The following FARP2 variants were observed in gnomAD, a reference collection of about 807,000 sequenced individuals.
FARP2 encodes the protein FERM, ARHGEF and pleckstrin domain-containing protein 2.
A neutral mutation model predicts 130.5 loss-of-function variants in FARP2; 111 were observed. That is an observed-to-expected ratio of 0.85 (90% confidence interval 0.73 to 1.00). The LOEUF (loss-of-function observed/expected upper bound fraction) is 1.00, where lower values mean the gene tolerates loss of function less well. FARP2 is among the 50% of genes least tolerant of loss of function. FARP2 has a pLI of 0.00. For missense variants in FARP2, 1,385 were observed against 1,346.3 expected (o/e 1.03, Z -0.45); for synonymous variants, 504 against 516.9 (o/e 0.98, Z 0.34).
intron 1 of FARP2, among the ~76,000 whole-genome samples, chr2:241,356,645 C>T (rs1430903321): frequency 6.6e-6 from 1 of 152,084 alleles, no homozygotes; most frequent in Non-Finnish European, 1.5e-5. Context: ...GGGAGTGGCC[C>T]GCGTGGACTC....
chr2:241,413,508 T>G lies in FARP2; in HGVS notation c.623+87T>G, dbSNP rs2062582306. ...ACGAGAAAGGACTGTTGTCGTGACT[T>G]CTGCAAGATTCTAACATAAGGACCA... On this transcript the variant is annotated intron_variant, in intron 7 of 26. Transcript: ENST00000264042. The G allele has an allele frequency of 5.5e-6, 5 of 914,444 alleles. No homozygotes were observed. In the South Asian group the frequency reaches 7.4e-5, roughly 14 times the overall value. 56.6% of individuals were successfully genotyped at this position (914,444 alleles called of 1,614,324 possible). A position where few individuals can be genotyped will look rare whatever the true frequency, so the allele number is the denominator to read the frequency against.
chr2:241,476,778 G>T (rs1445638573), intron 19 of FARP2, among the ~76,000 whole-genome samples: 2 of 152,126 alleles, frequency 1.3e-5, no homozygotes, highest in Non-Finnish European at 2.9e-5. Flanking sequence ...AATTGAGTGG[G>T]TTTTAGTATC....
chr2:241,489,815 G>T, intron 21 of FARP2, 147 bp from the exon 22 acceptor site: 1 of 594,412 alleles, frequency 1.7e-6, no homozygotes. Context: ...GTCCTCCTTG[G>T]CCTCTTGTAG....
At position 241,403,819 on chromosome 2, in the gene FARP2, T is replaced by C; in HGVS notation, c.184-9T>C. The C allele has an allele frequency of 6.3e-7, 1 of 1,593,584 alleles. No homozygotes were observed. Among genetic ancestry groups the C allele is most frequent in the Non-Finnish European group, 8.6e-7 (1 of 1,161,966 alleles). ...ATCCTTGTTATTTTTCCCATCTCTC[T>C]CTGCACAGCCTAAATGCGATGGCCA... On this transcript the variant is annotated splice_polypyrimidine_tract_variant and intron_variant, in intron 2 of 26. Coordinates refer to ENST00000264042, the MANE Select transcript of FARP2 (RefSeq NM_014808.4).
chr2:241,493,457 G>C lies in FARP2; in HGVS notation c.3047+13G>C. ...ACACATTTGAAAGGTAATTTTGCAG[G>C]AGGCAGCCCTGGTCAGCTGCCCATT... On this transcript the variant is annotated intron_variant, in intron 26 of 26. Transcript: ENST00000264042. 2 of 1,613,210 alleles carry C rather than the reference G, an allele frequency of 1.2e-6. No homozygotes were observed. The highest frequency in any genetic ancestry group is 1.7e-6 in the Non-Finnish European group (2 of 1,179,598).
intron 9 of FARP2, among the ~76,000 whole-genome samples, chr2:241,432,967 A>T (rs2063130091): frequency 6.6e-6 from 1 of 152,198 alleles, no homozygotes. Context: ...CTTTTGGTAC[A>T]CACTGGGTTC....
chr2:241,456,164 T>C (rs2150454003), intron 13 of FARP2, among the ~76,000 whole-genome samples: 1 of 152,322 alleles, frequency 6.6e-6, no homozygotes, highest in South Asian at 2.1e-4. Flanking sequence ...GGAAAATTAT[T>C]ACTGTGTTTT....
chr2:241,456,933 C>A lies in FARP2; in HGVS notation c.1587+11C>A, dbSNP rs376066307. On this transcript the variant is annotated intron_variant, in intron 14 of 26. Coordinates refer to ENST00000264042, the MANE Select transcript of FARP2 (RefSeq NM_014808.4). ...GAGCCCAGACACAAGGTGGGCCCCTCGAGGCTGAGAAGCTAGCAGAGGGTT... is the reference window on the plus strand; with the variant it reads ...GAGCCCAGACACAAGGTGGGCCCCTAGAGGCTGAGAAGCTAGCAGAGGGTT... 1.7e-4 allele frequency: 273 copies of A among 1,576,120 alleles called. No individual in the cohort carries two copies. The highest frequency in any genetic ancestry group is 6.8e-4 in the Admixed American group (37 of 54,270).
At position 241,434,946 on chromosome 2, in the gene FARP2, G is replaced by T. The variant is rs769592517; in HGVS notation, c.1032-16G>T. On this transcript the variant is annotated splice_polypyrimidine_tract_variant and intron_variant, in intron 10 of 26. Coordinates refer to ENST00000264042, the MANE Select transcript of FARP2 (RefSeq NM_014808.4). ...ACTTACTGTTCTTTATTAAAAATCT[G>T]AATCTTTATTCACAGTGGAAGAACT... 10 of 1,476,572 alleles carry T rather than the reference G, an allele frequency of 6.8e-6. No homozygotes were observed. The Admixed American group carries it at 1.7e-4, about 25-fold the overall frequency. 91.5% of individuals were successfully genotyped at this position (1,476,572 alleles called of 1,614,324 possible).
intron 12 of FARP2, among the ~76,000 whole-genome samples, chr2:241,439,592 G>A (rs1180458200): frequency 6.6e-6 from 1 of 152,128 alleles, no homozygotes; most frequent in African/African-American, 2.4e-5. Context: ...GCCTCCCAAA[G>A]TGCTGGGATT....
intron 21 of FARP2, among the ~76,000 whole-genome samples, chr2:241,485,343 G>T (rs374093085): frequency 1.4e-5 from 2 of 140,986 alleles, no homozygotes; most frequent in East Asian, 4.4e-4. Context: ...CATTCCCTGG[G>T]ATCTTCCCTT....
At position 241,493,294 on chromosome 2, in the gene FARP2, A is replaced by T; in HGVS notation, c.2897A>T (p.Asp966Val). 1 of 1,613,712 alleles carries T rather than the reference A, an allele frequency of 6.2e-7. No homozygotes were observed. Among genetic ancestry groups the T allele is most frequent in the Middle Eastern group, 1.7e-4 (1 of 5,952 alleles). ...FCLFFYKTHQ[D>V]DYPLASLPLL... is the part of the protein sequence containing the mutation. The stretch of plus-strand genomic sequence containing the variant: ...CCGTGTCCCTATGCTGTCTTGCAGG[A>T]TGACTACCCACTGGCCAGCCTCCCG... The change falls in exon 26 of 27, where the codon GAT becomes GTT. Residue 966 changes from aspartate (D) to valine (V), a missense_variant and splice_region_variant. Physicochemically the swap from Asp to Val is radical, Grantham distance 152. Coordinates refer to ENST00000264042, the MANE Select transcript of FARP2 (RefSeq NM_014808.4).
At chr2:241,410,371 T>C (rs2062482219) in intron 5 of FARP2, among the ~76,000 whole-genome samples, 2 of 152,138 alleles carry the variant, frequency 1.3e-5, no homozygotes, top group African/African-American at 4.8e-5. Flanking sequence ...TCCTTGAAGG[T>C]ATGGCTGCAG....
At chr2:241,361,476 A>G (rs1401895750) in intron 1 of FARP2, among the ~76,000 whole-genome samples, 1 of 152,212 alleles carries the variant, frequency 6.6e-6, no homozygotes, top group Non-Finnish European at 1.5e-5. Context: ...GCACCTCCCA[A>G]GCTACCTGAC....
intron 17 of FARP2, chr2:241,466,170 T>C: frequency 9.4e-7 from 1 of 1,061,042 alleles, no homozygotes; most frequent in Non-Finnish European, 1.1e-6. Context: ...CAGGTTGGGA[T>C]CAGGGACCAC....
intron 12 of FARP2, among the ~76,000 whole-genome samples, chr2:241,437,179 T>G (rs982031420): frequency 1.3e-5 from 2 of 152,250 alleles, no homozygotes; most frequent in Non-Finnish European, 2.9e-5. Context: ...ATGGAGAAAT[T>G]CTTGCTGTTA....
chr2:241,373,321 C>T (rs756341080), intron 2 of FARP2, 31 bp downstream of exon 2: 2 of 1,330,456 alleles, frequency 1.5e-6, no homozygotes, highest in East Asian at 2.8e-5. Flanking sequence ...AGGCATATTT[C>T]CTTATATCTT....
chr2:241,372,431 G>A (rs2061445068), intron 1 of FARP2: 1 of 152,186 alleles, frequency 6.6e-6, no homozygotes, highest in South Asian at 2.1e-4. Flanking sequence ...GGCGAGACAC[G>A]TTAGAAAAAT....
chr2:241,471,516 C>T (rs753411705), intron 18 of FARP2: 6 of 99,614 alleles, frequency 6.0e-5, no homozygotes, highest in African/African-American at 1.6e-4. Context: ...TTGTGTGAGA[C>T]GGAGTCTCGC....
Sources: gnomAD v4.1 joint callset for allele counts (sites outside exome capture counted in the v4.1 genomes callset) on GRCh38, gnomAD v4.1.1 for gene constraint, MANE v1.5 for transcripts, NCBI Gene and HGNC (gene_info 2026-07-23, HGNC 2026-07-21) for gene names.